Variants in UGT1A10 observed in about 807,000 individuals in gnomAD.
UGT1A10 encodes the protein UDP-glucuronosyltransferase 1A10.
A neutral mutation model predicts 45.8 loss-of-function variants in UGT1A10; 49 were observed. That is an observed-to-expected ratio of 1.07 (90% CI 0.85 to 1.36). The LOEUF (loss-of-function observed/expected upper bound fraction) is 1.36, where lower values mean the gene tolerates loss of function less well. Among genes scored for constraint, UGT1A10 ranks in the 40% most tolerant of loss-of-function variants. UGT1A10 has a pLI of 0.00. For synonymous variants in UGT1A10, 284 were observed against 249.7 expected (o/e 1.14, Z -1.29); for missense variants, 745 against 668.6 (o/e 1.11, Z -1.26).
chr2:233,742,319 G>A (rs1288703999), intron 1 of UGT1A10, among the ~76,000 whole-genome samples: 1 of 151,924 alleles, frequency 6.6e-6, no homozygotes, highest in African/African-American at 2.4e-5. Flanking sequence ...TATTCCTTAC[G>A]GGAAACAAAG....
chr2:233,724,232 C>T (rs1575550946), intron 1 of UGT1A10, among the ~76,000 whole-genome samples: 6 of 120,552 alleles, frequency 5.0e-5, no homozygotes, highest in South Asian at 3.2e-4. Flanking sequence ...CCAGTAGGGG[C>T]GGCCGGGCAG....
intron 1 of UGT1A10, among the ~76,000 whole-genome samples, chr2:233,704,378 C>G (rs113589213): frequency 1.3e-5 from 2 of 151,338 alleles, no homozygotes; most frequent in South Asian, 4.2e-4. Context: ...CTTAGCACAT[C>G]GATTTTAACT....
At chr2:233,768,033 A>C in intron 3 of UGT1A10, 97 bp downstream of exon 3, 1 of 1,612,338 alleles carries the variant, frequency 6.2e-7, no homozygotes, top group South Asian at 1.1e-5. Flanking sequence ...GCTTGAAAAT[A>C]TTATGGCCAA....
chr2:233,737,911 GGC>G (rs1690629306), intron 1 of UGT1A10, among the ~76,000 whole-genome samples: 4 of 152,098 alleles, frequency 2.6e-5, no homozygotes, highest in African/African-American at 4.8e-5. Flanking sequence ...GTAAAGAACA[GGC>G]TAGTGTATTT....
chr2:233,659,413 A>G (rs189210821), intron 1 of UGT1A10, among the ~76,000 whole-genome samples: 4 of 152,344 alleles, frequency 2.6e-5, no homozygotes, highest in South Asian at 2.1e-4. Flanking sequence ...TATTGTAATA[A>G]AGTCAGCTAG....
intron 1 of UGT1A10, among the ~76,000 whole-genome samples, chr2:233,726,904 T>A (rs554663359): frequency 7.2e-5 from 11 of 152,324 alleles, no homozygotes; most frequent in South Asian, 4.1e-4. Flanking sequence ...CATTCAATTA[T>A]CTCCTTTTTT....
Position 233,637,233 on chromosome 2 carries a change from C to A in UGT1A10, c.711C>A (p.Thr237=), listed in dbSNP as rs766013519. The change falls in exon 1 of 5, where the codon ACC becomes ACA. Residue 237 remains threonine (T), a synonymous_variant. Transcript: ENST00000344644. ...ALEIASEILQ[T]PVTAYDLYSH... ...AAATAGCCTCTGAAATTCTCCAAAC[C>A]CCTGTCACGGCATATGATCTCTACA... is the stretch of plus-strand genomic sequence containing the variant. 5.0e-6 allele frequency: 8 copies of A among 1,613,900 alleles called. No individual in the cohort carries two copies. The highest frequency in any genetic ancestry group is 1.1e-5 in the South Asian group (1 of 91,076).
At chr2:233,685,917 AT>A (rs1237121683) in intron 1 of UGT1A10, among the ~76,000 whole-genome samples, 2 of 152,340 alleles carry the variant, frequency 1.3e-5, no homozygotes, top group African/African-American at 4.8e-5. Flanking sequence ...CCATCATTAA[AT>A]TTATCCTGAT....
chr2:233,659,232 G>C (rs972812093), intron 1 of UGT1A10, among the ~76,000 whole-genome samples: 2 of 152,202 alleles, frequency 1.3e-5, no homozygotes, highest in South Asian at 4.2e-4. Context: ...GTTGACCCTT[G>C]AACAATGTGG....
intron 1 of UGT1A10, among the ~76,000 whole-genome samples, chr2:233,747,063 C>T (rs1043873041): frequency 4.6e-5 from 7 of 151,894 alleles, no homozygotes; most frequent in African/African-American, 1.2e-4. Flanking sequence ...ATTGGTTAAT[C>T]GGTAATAATT....
At chr2:233,661,318 C>A (rs776836823) in intron 1 of UGT1A10, among the ~76,000 whole-genome samples, 1 of 152,064 alleles carries the variant, frequency 6.6e-6, no homozygotes, top group Non-Finnish European at 1.5e-5. Context: ...GCTGTGCACA[C>A]CATGGTGCTG....
rs538474452 is a variant in UGT1A10, at chr2:233,688,348, T to C, written c.855+50971T>C. 2.6e-5 allele frequency among the ~76,000 whole-genome samples: 4 copies of C among 152,352 alleles called. No homozygotes were observed. In the South Asian group the frequency reaches 8.3e-4, roughly 32 times the overall value. ...TTGGGTTGTTTCCCATTTTCAGCCA[T>C]GAAAAATAATGTTGTTGTGAACATT... On this transcript the variant is annotated intron_variant, in intron 1 of 4. Coordinates refer to ENST00000344644, the MANE Select transcript of UGT1A10 (RefSeq NM_019075.4).
chr2:233,730,725 A>G (rs1270546313), intron 1 of UGT1A10, among the ~76,000 whole-genome samples: 1 of 152,146 alleles, frequency 6.6e-6, no homozygotes, highest in Admixed American at 6.5e-5. Flanking sequence ...TTATCAAGAA[A>G]TGGCGGAAGG....
intron 1 of UGT1A10, among the ~76,000 whole-genome samples, chr2:233,696,827 A>T (rs1388202495): frequency 6.6e-6 from 1 of 152,200 alleles, no homozygotes; most frequent in African/African-American, 2.4e-5. Context: ...GAGAGTGTGT[A>T]TCATAAAGGG....
At chr2:233,736,896 C>T (rs1212789655) in intron 1 of UGT1A10, among the ~76,000 whole-genome samples, 1 of 152,186 alleles carries the variant, frequency 6.6e-6, no homozygotes, top group Non-Finnish European at 1.5e-5. Context: ...GCTGCCTGAT[C>T]CTTCCTCTGG....
chr2:233,679,034 C>CA (rs2074436313), intron 1 of UGT1A10, among the ~76,000 whole-genome samples: 1 of 152,200 alleles, frequency 6.6e-6, no homozygotes, highest in African/African-American at 2.4e-5. Flanking sequence ...TCTGGACTTT[C>CA]ATGACATTCT....
chr2:233,760,233 C>T (rs1697357127), intron 1 of UGT1A10: 2 of 1,510,150 alleles, frequency 1.3e-6, no homozygotes, highest in Non-Finnish European at 9.0e-7. Context: ...TGGTTTTTGC[C>T]ATATATATAT....
chr2:233,704,256 CTTTTTTT>C (rs59925871), intron 1 of UGT1A10, among the ~76,000 whole-genome samples: 3 of 123,680 alleles, frequency 2.4e-5, no homozygotes, highest in African/African-American at 9.8e-5. Context: ...GCCTTTATTG[CTTTTTTT>C]TTTTTTTTGC....
intron 1 of UGT1A10, chr2:233,752,584 T>C (rs903855618): frequency 6.6e-6 from 1 of 152,196 alleles, no homozygotes; most frequent in Non-Finnish European, 1.5e-5. Context: ...CATTCCCATC[T>C]CTACAAGATT....
Sources: gnomAD v4.1 joint callset for allele counts (sites outside exome capture counted in the v4.1 genomes callset) on GRCh38, gnomAD v4.1.1 for gene constraint, MANE v1.5 for transcripts, NCBI Gene and HGNC (gene_info 2026-07-23, HGNC 2026-07-21) for gene names.